Variants in FAF1 observed in about 807,000 individuals in gnomAD.
FAF1 encodes the protein Fas associated factor 1.
In FAF1, 25 loss-of-function variants were observed where a neutral mutation model predicts 92.5. The ratio of observed to expected loss-of-function variants is 0.27; its 90% confidence interval spans 0.20 to 0.38. The LOEUF is 0.38. FAF1 is among the 10% of genes least tolerant of loss of function. The pLI is 1.00. For synonymous variants in FAF1, 234 were observed against 273.2 expected (o/e 0.86, Z 1.42); for missense variants, 636 against 793.3 (o/e 0.80, Z 2.38).
At chr1:50,627,524 A>G (rs1569617532) in intron 8 of FAF1, among the ~76,000 whole-genome samples, 1 of 152,114 alleles carries the variant, frequency 6.6e-6, no homozygotes, top group Admixed American at 6.5e-5. Flanking sequence ...CTATAACTAC[A>G]TAGAAAAATA....
intron 15 of FAF1, among the ~76,000 whole-genome samples, chr1:50,493,157 C>T (rs368331190): frequency 5.3e-5 from 8 of 151,844 alleles, no homozygotes; most frequent in African/African-American, 9.7e-5. Flanking sequence ...CTCAGCCTCC[C>T]GAGTAGCTGG....
intron 17 of FAF1, among the ~76,000 whole-genome samples, chr1:50,486,024 T>G (rs1416326236): frequency 1.3e-5 from 2 of 152,154 alleles, no homozygotes; most frequent in South Asian, 2.1e-4. Context: ...ATATTAGATT[T>G]GGGTGGGGAC....
chr1:50,811,380 T>C lies in FAF1; in HGVS notation c.115-9703A>G, dbSNP rs933775417. ...AACAACAAGAACAACAAAACCAATA[T>C]ACAAAAATTAGTAGCATTTCTATAT... On this transcript the variant is annotated intron_variant, in intron 2 of 18. Transcript: ENST00000396153. Among the ~76,000 whole-genome samples the C allele has an allele frequency of 2.6e-5, 4 of 151,960 alleles. No individual in the cohort carries two copies. In the South Asian group the frequency reaches 6.3e-4, roughly 24 times the overall value.
chr1:50,632,775 T>C (rs1420019453), intron 8 of FAF1, among the ~76,000 whole-genome samples: 2 of 152,148 alleles, frequency 1.3e-5, no homozygotes, highest in Non-Finnish European at 2.9e-5. Context: ...GCATTGTTTG[T>C]GGTGTTCTTC....
At chr1:50,761,643 T>C (rs1660331888) in intron 4 of FAF1, among the ~76,000 whole-genome samples, 1 of 152,220 alleles carries the variant, frequency 6.6e-6, no homozygotes, top group Non-Finnish European at 1.5e-5. Context: ...CAACAACGCT[T>C]CATGCTAAAA....
chr1:50,817,460 A>C (rs535491222), intron 2 of FAF1, among the ~76,000 whole-genome samples: 1 of 152,308 alleles, frequency 6.6e-6, no homozygotes, highest in East Asian at 1.9e-4. Context: ...CAGACAGCAA[A>C]ATGTTGGTTG....
chr1:50,878,062 T>A (rs1378235748), intron 1 of FAF1, among the ~76,000 whole-genome samples: 1 of 152,206 alleles, frequency 6.6e-6, no homozygotes, highest in Non-Finnish European at 1.5e-5. Context: ...TAGCTTTCCT[T>A]CAAAACAATA....
chr1:50,576,666 A>G (rs1264186692), intron 12 of FAF1, among the ~76,000 whole-genome samples: 1 of 145,018 alleles, frequency 6.9e-6, no homozygotes, highest in Non-Finnish European at 1.5e-5. Context: ...GCACCAAGAT[A>G]TGATCTTGTT....
At position 50,828,397 on chromosome 1, in the gene FAF1, C is replaced by A. The variant is rs571524143; in HGVS notation, c.115-26720G>T. Among the ~76,000 whole-genome samples the A allele has an allele frequency of 7.2e-5, 11 of 152,004 alleles. No individual in the cohort carries two copies. In the East Asian group the frequency reaches 2.1e-3, roughly 30 times the overall value. On this transcript the variant is annotated intron_variant, in intron 2 of 18. Transcript: ENST00000396153. ...CATTCTCCTGCCTCAGCCTCCCAAG[C>A]AGTTGGGACTACAGGCGCCCGCCAC...
intron 12 of FAF1, among the ~76,000 whole-genome samples, chr1:50,575,057 C>T (rs899773702): frequency 1.3e-5 from 2 of 151,536 alleles, no homozygotes; most frequent in Admixed American, 6.6e-5. Flanking sequence ...TACAGGCACC[C>T]GCCACCACGC....
At chr1:50,875,306 CAATAT>C (rs1303702613) in intron 1 of FAF1, among the ~76,000 whole-genome samples, 2 of 151,830 alleles carry the variant, frequency 1.3e-5, no homozygotes, top group African/African-American at 2.4e-5. Flanking sequence ...TTATCACGTA[CAATAT>C]AATGTTTTGA....
chr1:50,540,825 T>C (rs547672455), intron 13 of FAF1, among the ~76,000 whole-genome samples: 20 of 152,330 alleles, frequency 1.3e-4, no homozygotes, highest in African/African-American at 4.8e-4. Context: ...AATGGACTTT[T>C]AATAACACAG....
Position 50,475,445 on chromosome 1 carries a change from G to T in FAF1, c.1869+19C>A, listed in dbSNP as rs774786179. On this transcript the variant is annotated intron_variant, in intron 18 of 18. Coordinates refer to ENST00000396153, the MANE Select transcript of FAF1 (RefSeq NM_007051.3). ...TCTCCCACCTGGATATACTTCCTGA[G>T]ATAGGTATGGGAACTTACGTCTCTC... is the stretch of plus-strand genomic sequence containing the variant. The T allele has an allele frequency of 7.0e-6, 11 of 1,575,596 alleles. No individual in the cohort carries two copies. In the Admixed American group the frequency reaches 1.9e-4, roughly 27 times the overall value.
intron 7 of FAF1, among the ~76,000 whole-genome samples, chr1:50,681,165 G>T (rs1270594628): frequency 2.6e-5 from 4 of 152,078 alleles, no homozygotes; most frequent in Non-Finnish European, 1.5e-5. Context: ...TTCTGCCTCA[G>T]CCTCCCAAGT....
In FAF1 at chr1:50,458,743, AGCTTAGAAAT is replaced by A. The variant is rs1646387643; in HGVS notation, c.1869+16711_1869+16720del. On this transcript the variant is annotated intron_variant, in intron 18 of 18. Transcript: ENST00000396153. ...TTTTTGCCATCAATTTCATCATAAT[AGCTTAGAAAT>A]GCTGAGCATTTACTATGCTAGTGCT... is the stretch of plus-strand genomic sequence containing the variant. Among the ~76,000 whole-genome samples, 12 of 152,336 alleles carry A rather than the reference AGCTTAGAAAT, an allele frequency of 7.9e-5. No individual in the cohort carries two copies. In the South Asian group the frequency reaches 2.5e-3, roughly 32 times the overall value.
intron 1 of FAF1, among the ~76,000 whole-genome samples, chr1:50,938,924 T>C (rs533328289): frequency 1.5e-3 from 229 of 152,360 alleles, no homozygotes; most frequent in African/African-American, 5.4e-3. Flanking sequence ...CATTGGTCTA[T>C]GTGTCTGTTT....
Position 50,438,321 on chromosome 1 carries a change from T to C in FAF1, c.*3119A>G, listed in dbSNP as rs1476190495. 1 of 152,222 alleles carries C rather than the reference T, an allele frequency of 6.6e-6. No individual in the cohort carries two copies. The highest frequency in any genetic ancestry group is 1.5e-5 in the Non-Finnish European group (1 of 68,060). 9.4% of individuals were successfully genotyped at this position (152,222 alleles called of 1,614,324 possible). On this transcript the variant is annotated 3_prime_UTR_variant, in exon 19 of 19. Transcript: ENST00000396153. ...ACCTTAAGGTCACGCAGCTACTAAG[T>C]GGCAGAAGAGAGGTTCAACTTGGAA...
intron 4 of FAF1, among the ~76,000 whole-genome samples, chr1:50,783,361 C>A (rs1661250957): frequency 6.6e-6 from 1 of 152,134 alleles, no homozygotes; most frequent in South Asian, 2.1e-4. Context: ...TTTCACGAGG[C>A]CAGCATTACA....
chr1:50,730,038 T>C (rs1290206146), intron 6 of FAF1, among the ~76,000 whole-genome samples: 5 of 151,816 alleles, frequency 3.3e-5, no homozygotes, highest in Admixed American at 3.3e-4. Context: ...AAAAAACAGA[T>C]TGTGATAATT....
Sources: allele counts gnomAD v4.1 joint callset (sites outside exome capture counted in the v4.1 genomes callset), GRCh38; gene constraint gnomAD v4.1.1; transcripts MANE v1.5; gene names NCBI Gene and HGNC (gene_info 2026-07-23, HGNC 2026-07-21).